The following CYP11A1 variants were observed in gnomAD, a reference collection of about 807,000 sequenced individuals.
CYP11A1 encodes cytochrome P450 family 11 subfamily A member 1.
A neutral mutation model predicts 51.9 loss-of-function variants in CYP11A1; 25 were observed. The ratio of observed to expected loss-of-function variants is 0.48; its 90% confidence interval spans 0.35 to 0.67. The LOEUF (loss-of-function observed/expected upper bound fraction) is 0.67. Ranked by LOEUF, CYP11A1 falls within the 30% of genes least tolerant of loss-of-function variation. CYP11A1 has a pLI of 0.00. For missense variants in CYP11A1, 578 were observed against 680.9 expected (o/e 0.85, Z 1.68); for synonymous variants, 245 against 262.1 (o/e 0.93, Z 0.63).
intron 2 of CYP11A1, 28 bp downstream of exon 2, chr15:74,347,872 A>G (rs763680424): frequency 6.2e-7 from 1 of 1,612,402 alleles, no homozygotes; most frequent in Non-Finnish European, 8.5e-7. Context: ...ACCTCCCTCC[A>G]GTCCCTGGGA....
chr15:74,344,899 G>T, intron 3 of CYP11A1, 145 bp downstream of exon 3: 1 of 813,738 alleles, frequency 1.2e-6, no homozygotes, highest in Non-Finnish European at 2.1e-6. Context: ...CTGAGTAGCA[G>T]GCAGTGGAGG....
intron 1 of CYP11A1, among the ~76,000 whole-genome samples, chr15:74,359,058 C>T (rs780787164): frequency 2.6e-5 from 4 of 152,182 alleles, no homozygotes; most frequent in Non-Finnish European, 5.9e-5. Flanking sequence ...ATTCTTAGTC[C>T]TTTAATACCT....
intron 1 of CYP11A1, among the ~76,000 whole-genome samples, chr15:74,352,063 T>C (rs2060658786): frequency 6.6e-6 from 1 of 152,208 alleles, no homozygotes; most frequent in African/African-American, 2.4e-5. Flanking sequence ...TTGTTATATG[T>C]TGTGTCTACC....
At chr15:74,342,932 G>A (rs759963021) in intron 5 of CYP11A1, 45 bp downstream of exon 5, 12 of 1,606,400 alleles carry the variant, frequency 7.5e-6, no homozygotes, top group East Asian at 4.5e-5. Flanking sequence ...GAAGGGGCAC[G>A]TGGGCACAGG....
chr15:74,366,050 C>T (rs979203866), intron 1 of CYP11A1: 2 of 985,484 alleles, frequency 2.0e-6, no homozygotes, highest in African/African-American at 3.5e-5. Flanking sequence ...CGGGTCGACC[C>T]GGGGGGCGGA....
intron 1 of CYP11A1, among the ~76,000 whole-genome samples, chr15:74,348,709 C>T (rs910848109): frequency 6.6e-6 from 1 of 152,146 alleles, no homozygotes; most frequent in Non-Finnish European, 1.5e-5. Context: ...ACTTTGCAGA[C>T]AATCTGTATT....
At chr15:74,342,856 G>T in intron 5 of CYP11A1, 121 bp downstream of exon 5, 1 of 1,034,534 alleles carries the variant, frequency 9.7e-7, no homozygotes, top group Non-Finnish European at 1.5e-6. Context: ...CAAGGAGGAA[G>T]ACATATCCTA....
At position 74,338,711 on chromosome 15, in the gene CYP11A1, G is replaced by A. The variant is rs748390637; in HGVS notation, c.1294C>T (p.Pro432Ser). The change falls in exon 8 of 9, where the codon CCG (proline) becomes TCG (serine). Residue 432 changes from proline (P) to serine (S), a missense_variant. By Grantham distance (74) the Pro-to-Ser change is moderately conservative. Transcript: ENST00000268053. Reference sequence around the variant, plus strand: ...CATCGGGTTGGGTCAAAATTTTCCGGGTCGAAGAAGAAGGTGGGCTCTCGG... The same window carrying A: ...CATCGGGTTGGGTCAAAATTTTCCGAGTCGAAGAAGAAGGTGGGCTCTCGG... ...LGREPTFFFD[P>S]ENFDPTRWLS... The A allele has an allele frequency of 8.7e-6, 14 of 1,614,028 alleles. No individual in the cohort carries two copies. Among genetic ancestry groups the A allele is most frequent in the African/African-American group, 8.0e-5 (6 of 74,882 alleles).
At chr15:74,361,518 C>T (rs1007489329) in intron 1 of CYP11A1, 42 of 597,370 alleles carry the variant, frequency 7.0e-5, no homozygotes, top group African/African-American at 6.9e-4. Context: ...TTGCAGATGC[C>T]GTCACTGCCA....
At chr15:74,358,327 C>G (rs2060691250) in intron 1 of CYP11A1, among the ~76,000 whole-genome samples, 2 of 152,238 alleles carry the variant, frequency 1.3e-5, no homozygotes, top group African/African-American at 4.8e-5. Flanking sequence ...ACCTATCAAT[C>G]TCTTCCCACA....
intron 1 of CYP11A1, chr15:74,361,535 G>T: frequency 1.5e-6 from 1 of 676,458 alleles, no homozygotes; most frequent in South Asian, 1.5e-5. Context: ...GCCACCAGGA[G>T]CCCTGTACTA....
intron 1 of CYP11A1, among the ~76,000 whole-genome samples, chr15:74,348,436 C>G (rs886506614): frequency 2.0e-5 from 3 of 152,194 alleles, no homozygotes; most frequent in African/African-American, 7.2e-5. Context: ...ACACCTACAG[C>G]AGCCCCAGCT....
intron 1 of CYP11A1, 123 bp downstream of exon 1, chr15:74,367,194 A>AAAAG (rs2060737639): frequency 2.0e-6 from 2 of 979,154 alleles, no homozygotes; most frequent in African/African-American, 3.5e-5. Flanking sequence ...AAAAAAAAAA[A>AAAAG]AAGAAGTTAG....
chr15:74,338,847 C>G (rs991398839), intron 7 of CYP11A1, 79 bp from the exon 8 acceptor site: 9 of 1,325,394 alleles, frequency 6.8e-6, no homozygotes, highest in Non-Finnish European at 9.5e-6. Context: ...CCCTAGTCCC[C>G]TGCCCTCTCA....
intron 3 of CYP11A1, among the ~76,000 whole-genome samples, chr15:74,344,419 T>C (rs565022512): frequency 6.6e-6 from 1 of 152,302 alleles, no homozygotes; most frequent in Admixed American, 6.5e-5. Context: ...CAGGACCTAG[T>C]CTTGCTGGAC....
chr15:74,340,292 G>A (rs576191563), intron 5 of CYP11A1, among the ~76,000 whole-genome samples: 1 of 152,370 alleles, frequency 6.6e-6, no homozygotes, highest in South Asian at 2.1e-4. Flanking sequence ...CAATTAGGGT[G>A]TGGTGTGTGT....
intron 1 of CYP11A1, among the ~76,000 whole-genome samples, chr15:74,358,828 C>T (rs972578210): frequency 6.6e-6 from 1 of 152,194 alleles, no homozygotes; most frequent in African/African-American, 2.4e-5. Flanking sequence ...GTTTCTCAGG[C>T]TCTTGGTATT....
chr15:74,366,299 T>TTTTTTTTTTA (rs2060732931), intron 1 of CYP11A1: 1 of 785,446 alleles, frequency 1.3e-6, no homozygotes, highest in African/African-American at 2.0e-5. Context: ...TTTTTTTTTT[T>TTTTTTTTTTA]GAGACAGAGT....
At chr15:74,344,015 A>T in intron 3 of CYP11A1, 23 bp from the exon 4 acceptor site, 1 of 1,610,678 alleles carries the variant, frequency 6.2e-7, no homozygotes, top group Non-Finnish European at 8.5e-7. Context: ...GAAGAGGCTG[A>T]GGAGCCATTT....
Sources: gnomAD v4.1 joint callset for allele counts (sites outside exome capture counted in the v4.1 genomes callset) on GRCh38, gnomAD v4.1.1 for gene constraint, MANE v1.5 for transcripts, NCBI Gene and HGNC (gene_info 2026-07-23, HGNC 2026-07-21) for gene names.